THSD7B: variants seen among roughly 807,000 people sequenced by gnomAD.
The protein encoded by THSD7B is thrombospondin type 1 domain containing 7B.
Under a neutral mutation model 213.6 loss-of-function variants are expected in THSD7B, and 138 were observed. The observed-to-expected ratio is 0.65, with a 90% CI of 0.56 to 0.74. The LOEUF is 0.74. Ranked by LOEUF, THSD7B falls within the 30% of genes least tolerant of loss-of-function variation. THSD7B has a pLI of 0.00. For synonymous variants in THSD7B, 742 were observed against 687.0 expected, an observed-to-expected ratio of 1.08 and a Z score of -1.25; for missense variants, 1,931 against 1,991.5, an observed-to-expected ratio of 0.97 and a Z score of 0.58.
chr2:136,919,956 G>T (rs35394862), intron 2 of THSD7B, among the ~76,000 whole-genome samples: 1 of 152,192 alleles, frequency 6.6e-6, no homozygotes, highest in Non-Finnish European at 1.5e-5. Context: ...GAACATGGTG[G>T]TGCCTGGAAG....
chr2:137,456,370 TA>T (rs1170414236), intron 15 of THSD7B, among the ~76,000 whole-genome samples: 1 of 152,220 alleles, frequency 6.6e-6, no homozygotes, highest in Non-Finnish European at 1.5e-5. Flanking sequence ...TTAACTATAT[TA>T]GCAGCATGTT....
intron 3 of THSD7B, among the ~76,000 whole-genome samples, chr2:137,076,035 G>A (rs1266121107): frequency 6.6e-6 from 1 of 152,202 alleles, no homozygotes; most frequent in Admixed American, 6.5e-5. Flanking sequence ...CGGGGGTCAG[G>A]GACCCACTTG....
At chr2:137,662,537 C>T (rs1209577060) in intron 25 of THSD7B, among the ~76,000 whole-genome samples, 1 of 152,054 alleles carries the variant, frequency 6.6e-6, no homozygotes, top group African/African-American at 2.4e-5. Flanking sequence ...CTTATGTCTT[C>T]TTAGCTACCT....
chr2:137,071,581 A>T (rs186191368), intron 3 of THSD7B, among the ~76,000 whole-genome samples: 1 of 151,966 alleles, frequency 6.6e-6, no homozygotes, highest in African/African-American at 2.4e-5. Flanking sequence ...ATTTGTCAAT[A>T]TTGGCTTTTG....
intron 21 of THSD7B, among the ~76,000 whole-genome samples, chr2:137,646,470 C>T (rs976239689): frequency 3.7e-5 from 5 of 133,640 alleles, no homozygotes; most frequent in Non-Finnish European, 7.8e-5. Context: ...GATGAAACCC[C>T]ATCTCTACTA....
At chr2:136,928,366 T>C (rs149621193) in intron 2 of THSD7B, among the ~76,000 whole-genome samples, 25 of 152,328 alleles carry the variant, frequency 1.6e-4, no homozygotes, top group African/African-American at 5.3e-4. Context: ...CATCATAAAG[T>C]TGAAAAATTG....
At chr2:136,960,962 G>A (rs1045960753) in intron 2 of THSD7B, among the ~76,000 whole-genome samples, 11 of 151,236 alleles carry the variant, frequency 7.3e-5, no homozygotes, top group African/African-American at 2.4e-4. Flanking sequence ...GGTGGCGGGC[G>A]CCTGTGGTCC....
At chr2:137,006,279 G>A (rs1186486422) in intron 2 of THSD7B, among the ~76,000 whole-genome samples, 5 of 152,054 alleles carry the variant, frequency 3.3e-5, no homozygotes, top group Admixed American at 1.3e-4. Flanking sequence ...CCTGTAGTCC[G>A]AACTACTCAG....
At chr2:136,882,465 G>T in intron 2 of THSD7B, 148 bp downstream of exon 2, 1 of 896,612 alleles carries the variant, frequency 1.1e-6, no homozygotes, top group Non-Finnish European at 1.5e-6. Context: ...GCTCATATTT[G>T]ATTTTTTACT....
intron 15 of THSD7B, among the ~76,000 whole-genome samples, chr2:137,559,986 A>T (rs937645382): frequency 1.3e-5 from 2 of 152,214 alleles, no homozygotes; most frequent in African/African-American, 4.8e-5. Context: ...GCCATCAGAG[A>T]AATGCAAATC....
intron 15 of THSD7B, among the ~76,000 whole-genome samples, chr2:137,458,094 G>A (rs565600907): frequency 1.3e-5 from 2 of 152,224 alleles, no homozygotes; most frequent in South Asian, 2.1e-4. Context: ...GTAAGTGGAT[G>A]CCTAATAATT....
intron 15 of THSD7B, among the ~76,000 whole-genome samples, chr2:137,546,406 ATATATATAT>A (rs1558834297): frequency 1.9e-4 from 7 of 37,032 alleles, no homozygotes; most frequent in South Asian, 9.1e-4. Flanking sequence ...TATATATATT[ATATATATAT>A]TATATATATT....
chr2:137,632,166 A>G (rs977607619), intron 20 of THSD7B, among the ~76,000 whole-genome samples: 3 of 152,168 alleles, frequency 2.0e-5, no homozygotes, highest in African/African-American at 7.2e-5. Context: ...TATTGTGTAC[A>G]TGGCCCTGGG....
At chr2:137,212,492 G>C (rs1681135986) in intron 7 of THSD7B, among the ~76,000 whole-genome samples, 1 of 152,004 alleles carries the variant, frequency 6.6e-6, no homozygotes, top group East Asian at 1.9e-4. Flanking sequence ...CTGGGTAATT[G>C]AAAATGTGTC....
intron 15 of THSD7B, among the ~76,000 whole-genome samples, chr2:137,524,982 G>A (rs1680253365): frequency 6.6e-6 from 1 of 152,148 alleles, no homozygotes; most frequent in African/African-American, 2.4e-5. Context: ...GAGACAATAA[G>A]GAGAGGCCGT....
intron 15 of THSD7B, among the ~76,000 whole-genome samples, chr2:137,489,710 A>G (rs557802208): frequency 6.6e-6 from 1 of 152,208 alleles, no homozygotes; most frequent in Non-Finnish European, 1.5e-5. Flanking sequence ...ATCAGGACCC[A>G]GCATCATTCC....
intron 15 of THSD7B, among the ~76,000 whole-genome samples, chr2:137,503,057 C>T (rs1400157003): frequency 1.3e-5 from 2 of 152,078 alleles, no homozygotes; most frequent in Non-Finnish European, 2.9e-5. Context: ...TATTTTTAAA[C>T]AAAATATGCA....
intron 15 of THSD7B, among the ~76,000 whole-genome samples, chr2:137,473,986 A>T (rs1332920589): frequency 6.6e-6 from 1 of 152,160 alleles, no homozygotes; most frequent in African/African-American, 2.4e-5. Flanking sequence ...CGTTAGTCAT[A>T]ATAAATTTAT....
chr2:137,395,371 A>C (rs1441785250), intron 12 of THSD7B, among the ~76,000 whole-genome samples: 1 of 150,462 alleles, frequency 6.6e-6, no homozygotes, highest in East Asian at 1.9e-4. Flanking sequence ...TTTTAGCATG[A>C]AGGGTTGTTG....
Sources: allele counts gnomAD v4.1 joint callset (sites outside exome capture counted in the v4.1 genomes callset), GRCh38; gene constraint gnomAD v4.1.1; transcripts MANE v1.5; gene names NCBI Gene and HGNC (gene_info 2026-07-23, HGNC 2026-07-21).